The following PPP2R2C variants were observed in gnomAD, a reference collection of about 807,000 sequenced individuals.
The protein encoded by PPP2R2C is protein phosphatase 2, regulatory subunit B, gamma.
PPP2R2C carries 10 observed loss-of-function variants against 45.3 expected under a neutral mutation model. The ratio of observed to expected loss-of-function variants is 0.22; its 90% CI spans 0.14 to 0.37. The LOEUF (loss-of-function observed/expected upper bound fraction) is 0.37. Among genes scored for constraint, PPP2R2C ranks in the 10% least tolerant of loss-of-function variants. The pLI is 1.00. For missense variants in PPP2R2C, 308 were observed against 619.7 expected (o/e 0.50, Z 5.34); for synonymous variants, 257 against 245.4 (o/e 1.05, Z -0.44).
rs1021167201 is a variant in PPP2R2C at position 6,378,354 on chromosome 4, G to T, written c.334+53C>A. ...TAAGTGAAATACAAACCAGCATTTG[G>T]TAGAAACATCTACGGCCTGTGCCCA... On this transcript the variant is annotated intron_variant, in intron 3 of 8. Transcript: ENST00000382599. This position sits in a 1 kb window ranked among gnomAD's most constrained non-coding sequence, Gnocchi z 5.2. The T allele has an allele frequency of 3.7e-6, 6 of 1,610,248 alleles. No individual in the cohort carries two copies. The African/African-American group carries it at 8.0e-5, about 22-fold the overall frequency.
chr4:6,447,396 G>C (rs944780975), intron 1 of PPP2R2C, among the ~76,000 whole-genome samples: 2 of 152,118 alleles, frequency 1.3e-5, no homozygotes, highest in African/African-American at 4.8e-5. Flanking sequence ...TCGGGCTGTT[G>C]TTCTTCCCTG....
chr4:6,336,083 C>T (rs1732823434), intron 6 of PPP2R2C, among the ~76,000 whole-genome samples: 1 of 152,060 alleles, frequency 6.6e-6, no homozygotes, highest in Admixed American at 6.5e-5. Context: ...AGGGAGGGAG[C>T]CTAGTTTATC....
At chr4:6,425,005 T>G (rs1350099423) in intron 1 of PPP2R2C, among the ~76,000 whole-genome samples, 3 of 152,220 alleles carry the variant, frequency 2.0e-5, no homozygotes, top group Non-Finnish European at 2.9e-5. Flanking sequence ...AGGGCCATCA[T>G]GAAGAATGCC....
intron 1 of PPP2R2C, among the ~76,000 whole-genome samples, chr4:6,453,406 C>T (rs531315477): frequency 3.2e-4 from 48 of 152,332 alleles, no homozygotes; most frequent in African/African-American, 9.1e-4. Context: ...CAGCCCCAGC[C>T]ACCCCAGCTC....
chr4:6,425,839 T>G (rs939313676), intron 1 of PPP2R2C, among the ~76,000 whole-genome samples: 1 of 140,088 alleles, frequency 7.1e-6, no homozygotes, highest in South Asian at 2.3e-4. Context: ...GTGTGTGTGG[T>G]GTGTGTGTTA....
At chr4:6,537,832 G>A (rs1253554076) in intron 1 of PPP2R2C, among the ~76,000 whole-genome samples, 1 of 152,156 alleles carries the variant, frequency 6.6e-6, no homozygotes, top group Non-Finnish European at 1.5e-5. Flanking sequence ...TTACAGGTGT[G>A]AGCCACCACG....
chr4:6,333,618 G>A lies in PPP2R2C; in HGVS notation c.904C>T (p.Leu302Phe), dbSNP rs374362764. 6.2e-7 allele frequency: 1 copy of A among 1,614,182 alleles called. No individual in the cohort carries two copies. Among genetic ancestry groups the A allele is most frequent in the Non-Finnish European group, 8.5e-7 (1 of 1,180,026 alleles). ...TTCAGGTCCCAGACCTTGACTGTAA[G>A]GTAGTCCCGGGTGAGCATGTAGCGG... The part of the protein sequence containing the change: ...SGRYMLTRDY[L>F]TVKVWDLNME... Residue 302 changes from leucine to phenylalanine, a missense_variant, in exon 7 of 9, where the codon CTT (leucine) becomes TTT (phenylalanine). Transcript: ENST00000382599.
intron 1 of PPP2R2C, among the ~76,000 whole-genome samples, chr4:6,399,087 A>C (rs1008735396): frequency 5.9e-5 from 9 of 152,244 alleles, no homozygotes; most frequent in Non-Finnish European, 1.3e-4. Flanking sequence ...CCCAGGGTGC[A>C]GGGCAGAGAT....
chr4:6,533,955 A>G (rs1055995699), intron 2 of PPP2R2C, among the ~76,000 whole-genome samples: 6 of 149,586 alleles, frequency 4.0e-5, no homozygotes, highest in Non-Finnish European at 2.9e-5. Context: ...CTCACCACAC[A>G]GCAACACACA....
chr4:6,329,294 G>T lies in PPP2R2C; in HGVS notation c.1020C>A (p.Asp340Glu), dbSNP rs755209779. ...TCCCGTTCCAGGCACATTCAAACTTGTCGAAAATGCAGTCGTTCTCGTACA... is the reference window on the plus strand; with the variant it reads ...TCCCGTTCCAGGCACATTCAAACTTTTCGAAAATGCAGTCGTTCTCGTACA... ...CSLYENDCIF[D>E]KFECAWNGSD... is the part of the protein sequence containing the mutation. The change falls in exon 8 of 9, where the codon GAC becomes GAA. Residue 340 changes from aspartate (D) to glutamate (E), a missense_variant. By Grantham distance (45) the Asp-to-Glu change is conservative (BLOSUM62 2). Transcript: ENST00000382599. This position sits in a 1 kb window ranked among gnomAD's most constrained non-coding sequence, Gnocchi z 5.8. 6.2e-7 allele frequency: 1 copy of T among 1,614,198 alleles called. No homozygotes were observed.
intron 1 of PPP2R2C, among the ~76,000 whole-genome samples, chr4:6,397,173 C>G (rs778631454): frequency 9.2e-5 from 14 of 152,208 alleles, no homozygotes; most frequent in Non-Finnish European, 1.9e-4. Flanking sequence ...CGTGGCCCTT[C>G]CAAAGCCCAC....
At chr4:6,410,151 T>C (rs1718066423) in intron 1 of PPP2R2C, among the ~76,000 whole-genome samples, 1 of 152,048 alleles carries the variant, frequency 6.6e-6, no homozygotes, top group Non-Finnish European at 1.5e-5. Context: ...AGCCCAAAGG[T>C]GTGAGCCCTC....
At chr4:6,407,543 C>T (rs13144738) in intron 1 of PPP2R2C, among the ~76,000 whole-genome samples, 32,049 of 151,962 alleles carry the variant, frequency 0.21, 3,757 homozygotes, top group South Asian at 0.29. Context: ...AACAGGCACC[C>T]GCCACCACAC....
rs1205012441 is a variant in PPP2R2C at position 6,345,758 on chromosome 4, G to A, written c.790+2088C>T. ...AGACTATACATATGCCCTGTTTTCA[G>A]CCACCAAGTGTGTGGTCCTTTGTTG... On this transcript the variant is annotated intron_variant, in intron 6 of 8. Coordinates refer to ENST00000382599, the MANE Select transcript of PPP2R2C (RefSeq NM_020416.4). This position sits in a 1 kb window ranked among gnomAD's most constrained non-coding sequence, Gnocchi z 5.3. 6.6e-6 allele frequency among the ~76,000 whole-genome samples: 1 copy of A among 152,114 alleles called. No individual in the cohort carries two copies. Among genetic ancestry groups the A allele is most frequent in the African/African-American group, 2.4e-5 (1 of 41,398 alleles).
In PPP2R2C at chr4:6,536,530, C is replaced by T. The variant is rs575617696; in HGVS notation, c.-58-1153G>A. ...TCATTTTAAAAGAATGTGAATTAAA[C>T]CAGAAACGTAGCACTTTTCAAATAT... On this transcript the variant is annotated intron_variant, in intron 1 of 9. Coordinates refer to the PPP2R2C transcript ENST00000506140. Among the ~76,000 whole-genome samples, 6 of 152,274 alleles carry T rather than the reference C, an allele frequency of 3.9e-5. No homozygotes were observed. In the East Asian group the frequency reaches 1.2e-3, roughly 29 times the overall value.
At chr4:6,496,838 G>C (rs1049420698) in intron 2 of PPP2R2C, among the ~76,000 whole-genome samples, 1 of 146,840 alleles carries the variant, frequency 6.8e-6, no homozygotes. Context: ...TCCAGCCTGG[G>C]CAACAAGAGC....
In PPP2R2C at chr4:6,513,865, G is replaced by A. The variant is rs182126831; in HGVS notation, c.49+21406C>T. On this transcript the variant is annotated intron_variant, in intron 2 of 9. Transcript: ENST00000506140. ...TCCAGTGGGGAGCACCCACTCTGAA[G>A]ACACCACCCACTCTCTCCTTGAATG... is the stretch of plus-strand genomic sequence containing the variant. 4.7e-3 allele frequency among the ~76,000 whole-genome samples: 715 copies of A among 152,306 alleles called. 2 individuals are homozygous for A. Among genetic ancestry groups the A allele is most frequent in the African/African-American group, 0.016 (671 of 41,580 alleles).
intron 2 of PPP2R2C, chr4:6,523,474 G>A (rs921394255): frequency 6.6e-6 from 1 of 152,200 alleles, no homozygotes; most frequent in Non-Finnish European, 1.5e-5. Context: ...GCACAGGAAA[G>A]GTTGCTCAAC....
At chr4:6,538,603 T>C (rs967429869) in intron 1 of PPP2R2C, among the ~76,000 whole-genome samples, 2 of 152,158 alleles carry the variant, frequency 1.3e-5, no homozygotes, top group African/African-American at 4.8e-5. Context: ...AATGAAATTA[T>C]ACAATAAAAC....
Sources: gnomAD v4.1 joint callset for allele counts (sites outside exome capture counted in the v4.1 genomes callset) on GRCh38, gnomAD v4.1.1 for gene constraint, Gnocchi (gnomAD v3.1) non-coding constraint, MANE v1.5 for transcripts, NCBI Gene and HGNC (gene_info 2026-07-23, HGNC 2026-07-21) for gene names.